Variants in SLC26A4 observed in about 807,000 individuals in gnomAD.
SLC26A4 encodes the protein pendrin.
Under a neutral mutation model 90.4 loss-of-function variants are expected in SLC26A4, and 93 were observed. The ratio of observed to expected loss-of-function variants is 1.03; its 90% CI spans 0.87 to 1.22. The LOEUF is 1.22. Among genes scored for constraint, SLC26A4 ranks in the 50% most tolerant of loss-of-function variants. The pLI is 0.00. For missense variants in SLC26A4, 1,127 were observed against 946.2 expected (o/e 1.19, Z -2.51); for synonymous variants, 393 against 354.6 (o/e 1.11, Z -1.22).
chr7:107,669,760 GA>G (rs1562821522), intron 3 of SLC26A4, among the ~76,000 whole-genome samples: 1 of 152,122 alleles, frequency 6.6e-6, no homozygotes, highest in Non-Finnish European at 1.5e-5. Flanking sequence ...TAAGGAACAT[GA>G]AAAAATACCT....
chr7:107,693,759 T>C, intron 10 of SLC26A4: 2 of 986,920 alleles, frequency 2.0e-6, no homozygotes, highest in Non-Finnish European at 2.4e-6. Context: ...AGTCACTGTT[T>C]CAGGCTGCCT....
At chr7:107,689,234 G>A in intron 9 of SLC26A4, 34 bp downstream of exon 9, 1 of 1,610,308 alleles carries the variant, frequency 6.2e-7, no homozygotes. Context: ...TGGTTTTATA[G>A]GGCTGGAAAC....
At chr7:107,705,368 C>T (rs1792012826) in intron 18 of SLC26A4, among the ~76,000 whole-genome samples, 1 of 152,136 alleles carries the variant, frequency 6.6e-6, no homozygotes, top group South Asian at 2.1e-4. Flanking sequence ...TTTTTGGAAA[C>T]ATTTAAAACT....
rs565382433 is a variant in SLC26A4, at chr7:107,689,200, G to A, written c.1149G>A (p.Gln383=). 2 of 1,613,558 alleles carry A rather than the reference G, an allele frequency of 1.2e-6. No individual in the cohort carries two copies. The highest frequency in any genetic ancestry group is 1.7e-6 in the Non-Finnish European group (2 of 1,179,642). Residue 383 remains glutamine, a splice_region_variant and synonymous_variant, in exon 9 of 21, where the codon CAG becomes CAA. Coordinates refer to ENST00000644269, the MANE Select transcript of SLC26A4 (RefSeq NM_000441.2). ...TKYDYTIDGN[Q]EFIAFGISNI... The stretch of plus-strand genomic sequence containing the variant: ...ATGATTACACCATCGATGGGAACCA[G>A]GTATGGGTGCCCTTTTGCTGAACTG...
intron 10 of SLC26A4, chr7:107,693,511 T>C (rs1791637793): frequency 1.0e-6 from 1 of 985,448 alleles, no homozygotes. Context: ...CTCTGATTGC[T>C]TTGCTTGTAG....
At chr7:107,714,370 T>C (rs1792282367) in intron 20 of SLC26A4, among the ~76,000 whole-genome samples, 1 of 152,086 alleles carries the variant, frequency 6.6e-6, no homozygotes, top group Non-Finnish European at 1.5e-5. Flanking sequence ...CAACCCCCTA[T>C]AGTGAAATCA....
intron 18 of SLC26A4, among the ~76,000 whole-genome samples, chr7:107,707,330 T>A (rs546735232): frequency 1.3e-5 from 2 of 152,330 alleles, no homozygotes; most frequent in African/African-American, 4.8e-5. Flanking sequence ...CTGTTTGATC[T>A]TGGCTGGTAG....
In SLC26A4 at chr7:107,715,250, A is replaced by G. The variant is rs559227471; in HGVS notation, c.2320-173A>G. ...AGATTCAGTCTCCAAAAAAAAAAAA[A>G]AGTATAATGAATACGAAATGAAGTT... is the stretch of plus-strand genomic sequence containing the variant. On this transcript the variant is annotated intron_variant, in intron 20 of 20. Coordinates refer to ENST00000644269, the MANE Select transcript of SLC26A4 (RefSeq NM_000441.2). 1.4e-3 allele frequency among the ~76,000 whole-genome samples: 215 copies of G among 151,764 alleles called. 1 individual carries two copies. The highest frequency in any genetic ancestry group is 2.5e-3 in the Non-Finnish European group (171 of 67,980).
At position 107,694,903 on chromosome 7, in the gene SLC26A4, T is replaced by G. The variant is rs74576945; in HGVS notation, c.1437+187T>G. 0.014 allele frequency among the ~76,000 whole-genome samples: 2,182 copies of G among 152,278 alleles called. 42 individuals are homozygous for G. Among genetic ancestry groups the G allele is most frequent in the African/African-American group, 0.05 (2,068 of 41,548 alleles). On this transcript the variant is annotated intron_variant, in intron 12 of 20. Coordinates refer to ENST00000644269, the MANE Select transcript of SLC26A4 (RefSeq NM_000441.2). Reference sequence around the variant, plus strand: ...CCATGTGAACTGCATTTTGTGAAGATTCTGTATCTCTGGGAAGGTCAATTT... The same window carrying G: ...CCATGTGAACTGCATTTTGTGAAGAGTCTGTATCTCTGGGAAGGTCAATTT...
intron 8 of SLC26A4, among the ~76,000 whole-genome samples, chr7:107,685,163 C>T (rs909259886): frequency 6.6e-6 from 1 of 152,144 alleles, no homozygotes; most frequent in Non-Finnish European, 1.5e-5. Context: ...TGTTGTTCAG[C>T]TCTGTCCCAG....
At chr7:107,695,698 A>G (rs558421828) in intron 12 of SLC26A4, among the ~76,000 whole-genome samples, 7 of 152,138 alleles carry the variant, frequency 4.6e-5, no homozygotes, top group Non-Finnish European at 8.8e-5. Context: ...GGGTAGTCCC[A>G]GCTACTTGGG....
At chr7:107,692,961 G>A (rs1791616973) in intron 10 of SLC26A4, 1 of 152,148 alleles carries the variant, frequency 6.6e-6, no homozygotes, top group South Asian at 2.1e-4. Context: ...CACTCTCCTG[G>A]CATGAGTTTG....
chr7:107,668,639 T>G (rs1012181116), intron 3 of SLC26A4, among the ~76,000 whole-genome samples: 2 of 152,240 alleles, frequency 1.3e-5, no homozygotes, highest in Non-Finnish European at 2.9e-5. Flanking sequence ...AAAAGATCGA[T>G]GCAACCCTTG....
At chr7:107,684,671 T>G (rs974609136) in intron 8 of SLC26A4, among the ~76,000 whole-genome samples, 2 of 152,200 alleles carry the variant, frequency 1.3e-5, no homozygotes, top group Non-Finnish European at 2.9e-5. Context: ...CCCAAACCTA[T>G]TGAATCAGGC....
intron 2 of SLC26A4, chr7:107,662,044 G>C (rs138069544): frequency 3.4e-4 from 198 of 579,404 alleles, no homozygotes; most frequent in Admixed American, 1.5e-3. Context: ...CGCCTTTGGG[G>C]AGAGTGGGTT....
At chr7:107,691,994 G>A (rs758411846) in intron 10 of SLC26A4, 23 of 1,288,880 alleles carry the variant, frequency 1.8e-5, no homozygotes, top group African/African-American at 4.6e-5. Flanking sequence ...GGTCTTCAGC[G>A]GGTGCAGGCA....
chr7:107,662,112 T>C, intron 2 of SLC26A4: 1 of 472,796 alleles, frequency 2.1e-6, no homozygotes, highest in Non-Finnish European at 3.7e-6. Flanking sequence ...CCTCTTGGGG[T>C]ACAGTGGGTC....
At chr7:107,678,265 T>C (rs1241235541) in intron 6 of SLC26A4, among the ~76,000 whole-genome samples, 2 of 152,228 alleles carry the variant, frequency 1.3e-5, no homozygotes, top group Non-Finnish European at 2.9e-5. Flanking sequence ...ATACTTACCA[T>C]GTGCCAGGCA....
chr7:107,710,396 T>C (rs2129319989), intron 19 of SLC26A4, among the ~76,000 whole-genome samples, 197 bp downstream of exon 19: 1 of 152,308 alleles, frequency 6.6e-6, no homozygotes, highest in South Asian at 2.1e-4. Context: ...CTAAATAAGA[T>C]AGTTTATAGG....
Sources: allele counts gnomAD v4.1 joint callset (sites outside exome capture counted in the v4.1 genomes callset), GRCh38; gene constraint gnomAD v4.1.1; transcripts MANE v1.5; gene names NCBI Gene and HGNC (gene_info 2026-07-23, HGNC 2026-07-21).